GRAMD4: variants seen among roughly 807,000 people sequenced by gnomAD.
GRAMD4 encodes GRAM domain containing 4.
Under a neutral mutation model 83.9 loss-of-function variants are expected in GRAMD4, and 25 were observed. That is an observed-to-expected ratio of 0.30 (90% CI 0.22 to 0.42). The LOEUF (loss-of-function observed/expected upper bound fraction) is 0.42, where lower values mean the gene tolerates loss of function less well. Ranked by LOEUF, GRAMD4 falls within the 10% of genes least tolerant of loss-of-function variation. The pLI is 1.00. For synonymous variants in GRAMD4, 336 were observed against 320.9 expected, an observed-to-expected ratio of 1.05 and a Z score of -0.50; for missense variants, 593 against 788.7, an observed-to-expected ratio of 0.75 and a Z score of 2.97.
At chr22:46,576,183 G>A (rs12168432), upstream of GRAMD4, 36,737 of 152,482 alleles carry the variant, frequency 0.24, 4,709 homozygotes, top group Middle Eastern at 0.33. Flanking sequence ...AGAGGGCTGG[G>A]CAAAAACAGC....
At chr22:46,667,277 T>C (rs1033538037) in intron 10 of GRAMD4, among the ~76,000 whole-genome samples, 11 of 152,022 alleles carry the variant, frequency 7.2e-5, no homozygotes. Flanking sequence ...CTCTCGGAGG[T>C]TGCAGTGAGC....
intron 1 of GRAMD4, among the ~76,000 whole-genome samples, chr22:46,604,528 C>T (rs918057109): frequency 2.8e-4 from 43 of 152,314 alleles, no homozygotes; most frequent in Middle Eastern, 6.8e-3. Flanking sequence ...ACCGAAACTC[C>T]GCACCCACAA....
chr22:46,645,571 A>G (rs560175456), intron 3 of GRAMD4, among the ~76,000 whole-genome samples: 4 of 152,224 alleles, frequency 2.6e-5, no homozygotes, highest in East Asian at 1.9e-4. Flanking sequence ...ATCCCACTCA[A>G]TTATCTATAG....
At chr22:46,595,109 C>A (rs780651321) in intron 1 of GRAMD4, among the ~76,000 whole-genome samples, 1 of 152,046 alleles carries the variant, frequency 6.6e-6, no homozygotes, top group African/African-American at 2.4e-5. Flanking sequence ...ACATGCGGCC[C>A]GGGGGGAGAG....
At chr22:46,680,288 G>A (rs2082653855), downstream of GRAMD4, among the ~76,000 whole-genome samples, 1 of 152,030 alleles carries the variant, frequency 6.6e-6, no homozygotes, top group South Asian at 2.1e-4. Context: ...GGACCTGCCT[G>A]GCTTTTGAAA....
In GRAMD4 at chr22:46,626,849, A is replaced by C; in HGVS notation, c.50A>C (p.Asp17Ala). ...KIRFRGHKRD[D>A]FLDLAESPNA... is the part of the protein sequence containing the mutation. ...AGGTTCAGAGGTCACAAGAGAGATGACTTCCTCGATCTAGCGGAGTCTCCA... is the reference window on the plus strand; with the variant it reads ...AGGTTCAGAGGTCACAAGAGAGATGCCTTCCTCGATCTAGCGGAGTCTCCA... Residue 17 changes from aspartate (D) to alanine (A), a missense_variant, in exon 2 of 19, where the codon GAC becomes GCC. By Grantham distance (126) the Asp-to-Ala change is moderately radical. Coordinates refer to ENST00000406902, the MANE Select transcript of GRAMD4 (RefSeq NM_015124.5). The C allele has an allele frequency of 6.2e-7, 1 of 1,613,816 alleles. No homozygotes were observed. The highest frequency in any genetic ancestry group is 8.5e-7 in the Non-Finnish European group (1 of 1,179,686).
intron 2 of GRAMD4, among the ~76,000 whole-genome samples, chr22:46,634,836 T>C (rs1260623915): frequency 6.6e-6 from 1 of 151,570 alleles, no homozygotes; most frequent in Non-Finnish European, 1.5e-5. Context: ...CCAGCTACTT[T>C]GGAGGCTGAG....
intron 15 of GRAMD4, among the ~76,000 whole-genome samples, chr22:46,674,120 C>T (rs559104560): frequency 3.2e-4 from 48 of 152,336 alleles, no homozygotes; most frequent in Non-Finnish European, 5.3e-4. Context: ...GCCTGCAGGG[C>T]GCTGGCAGGG....
At chr22:46,670,328 G>A (rs1227655324) in intron 13 of GRAMD4, among the ~76,000 whole-genome samples, 1 of 152,256 alleles carries the variant, frequency 6.6e-6, no homozygotes, top group African/African-American at 2.4e-5. Context: ...AGCTCACTGT[G>A]GCCATCAGGT....
chr22:46,671,349 C>A (rs2082501511), intron 13 of GRAMD4, among the ~76,000 whole-genome samples: 1 of 152,192 alleles, frequency 6.6e-6, no homozygotes, highest in Non-Finnish European at 1.5e-5. Flanking sequence ...TCGAGACCAG[C>A]CCAGCCAACA....
Position 46,663,024 on chromosome 22 carries a change from T to A in GRAMD4, c.467-16T>A. The A allele has an allele frequency of 6.3e-7, 1 of 1,597,150 alleles. No homozygotes were observed. The highest frequency in any genetic ancestry group is 8.5e-7 in the Non-Finnish European group (1 of 1,170,068). ...GCAGCCCTGCCGTGCCCTCACCGGG[T>A]CCCTGCCCCCTGCAGAGCGCCGGAG... is the stretch of plus-strand genomic sequence containing the variant. On this transcript the variant is annotated splice_polypyrimidine_tract_variant and intron_variant, in intron 5 of 18. Transcript: ENST00000406902.
At chr22:46,595,831 G>C (rs1392302488) in intron 1 of GRAMD4, among the ~76,000 whole-genome samples, 1 of 152,242 alleles carries the variant, frequency 6.6e-6, no homozygotes, top group Admixed American at 6.5e-5. Flanking sequence ...AACACGACTT[G>C]TCCAGATCCC....
chr22:46,652,045 G>A (rs117822030), intron 3 of GRAMD4, among the ~76,000 whole-genome samples: 1 of 152,168 alleles, frequency 6.6e-6, no homozygotes, highest in East Asian at 1.9e-4. Flanking sequence ...TGACACGATT[G>A]TCTCGAGGGA....
intron 1 of GRAMD4, among the ~76,000 whole-genome samples, chr22:46,604,236 A>T (rs73461268): frequency 1.3e-5 from 2 of 152,018 alleles, no homozygotes; most frequent in African/African-American, 4.8e-5. Context: ...TTTCCTGGCT[A>T]TTTGGCTTGT....
intron 1 of GRAMD4, among the ~76,000 whole-genome samples, chr22:46,580,267 C>T (rs776573887): frequency 7.2e-5 from 11 of 152,214 alleles, no homozygotes; most frequent in Non-Finnish European, 1.6e-4. Flanking sequence ...ATCTGCTGGG[C>T]GCCTCCGAGG....
At chr22:46,676,962 C>T (rs148999530) in intron 18 of GRAMD4, among the ~76,000 whole-genome samples, 185 bp from the exon 19 acceptor site, 27 of 152,366 alleles carry the variant, frequency 1.8e-4, no homozygotes, top group African/African-American at 6.5e-4. Flanking sequence ...TCCCCTCTGC[C>T]TCTTGGCTCT....
intron 1 of GRAMD4, among the ~76,000 whole-genome samples, chr22:46,581,657 T>C (rs1034431919): frequency 6.6e-6 from 1 of 152,200 alleles, no homozygotes; most frequent in African/African-American, 2.4e-5. Context: ...GCATGAGACA[T>C]GATTTATTTT....
chr22:46,678,549 A>G lies in GRAMD4; in HGVS notation c.*1298A>G. ...TTGGGCCTCCTGGAAGGAGGTGGCC[A>G]CCCCGCGGGCCTGCGTGTCTGCTGG... On this transcript the variant is annotated 3_prime_UTR_variant, in exon 19 of 19. Transcript: ENST00000406902. The G allele has an allele frequency of 1.0e-6, 1 of 985,194 alleles. No homozygotes were observed. Among genetic ancestry groups the G allele is most frequent in the Non-Finnish European group, 1.2e-6 (1 of 829,880 alleles). The allele number at this position is 985,194 out of a possible 1,614,324, so 61.0% of individuals were successfully genotyped here.
chr22:46,650,714 G>A (rs1236367910), intron 3 of GRAMD4, among the ~76,000 whole-genome samples: 1 of 152,226 alleles, frequency 6.6e-6, no homozygotes, highest in Non-Finnish European at 1.5e-5. Flanking sequence ...TATGTGCCAT[G>A]TGTCGCCACG....
Sources: allele counts gnomAD v4.1 joint callset (sites outside exome capture counted in the v4.1 genomes callset), GRCh38; gene constraint gnomAD v4.1.1; transcripts MANE v1.5; gene names NCBI Gene and HGNC (gene_info 2026-07-23, HGNC 2026-07-21).